Variants in UEVLD observed in about 807,000 individuals in gnomAD.
UEVLD encodes the protein UEV and lactate/malate dehyrogenase domains, also known as ubiquitin-conjugating enzyme E2 variant 3.
In UEVLD, 47 loss-of-function variants were observed where a neutral mutation model predicts 58.6. The observed-to-expected ratio is 0.80, with a 90% CI of 0.63 to 1.02. The LOEUF (loss-of-function observed/expected upper bound fraction) is 1.02, where lower values mean the gene tolerates loss of function less well. UEVLD is among the 50% of genes least tolerant of loss of function. The probability of loss-of-function intolerance (pLI) is 0.00; values close to 1 mark genes in which losing one functional copy is unlikely to be tolerated. For synonymous variants in UEVLD, 197 were observed against 195.3 expected (o/e 1.01, Z -0.07); for missense variants, 510 against 550.6 (o/e 0.93, Z 0.74).
intron 10 of UEVLD, 33 bp downstream of exon 10, chr11:18,536,373 G>T (rs779364040): frequency 1.3e-6 from 2 of 1,596,674 alleles, no homozygotes; most frequent in Admixed American, 1.7e-5. Flanking sequence ...ATGATTTTTC[G>T]TTGGATAAAT....
rs1208246600 is a variant in UEVLD at position 18,544,677 on chromosome 11, C to T, written c.1006G>A (p.Ala336Thr). Residue 336 changes from alanine to threonine, a missense_variant, in exon 9 of 12, where the codon GCA becomes ACA. Ala to Thr is a moderately conservative substitution (Grantham distance 58). Coordinates refer to ENST00000396197, the MANE Select transcript of UEVLD (RefSeq NM_001040697.4). ...LQYIITNVLK[A>T]QTSGKEVWVI... is the part of the protein sequence containing the mutation. ...CATACTTCTTTGCCTGAAGTCTGTGCCTTCAAAACATTTGTAATAATATAC... is the reference window on the plus strand; with the variant it reads ...CATACTTCTTTGCCTGAAGTCTGTGTCTTCAAAACATTTGTAATAATATAC... 6.3e-7 allele frequency: 1 copy of T among 1,592,022 alleles called. No individual in the cohort carries two copies. The highest frequency in any genetic ancestry group is 1.2e-5 in the South Asian group (1 of 86,838).
chr11:18,578,015 G>C (rs1307252350), intron 2 of UEVLD, among the ~76,000 whole-genome samples: 2 of 152,012 alleles, frequency 1.3e-5, no homozygotes, highest in Non-Finnish European at 2.9e-5. Context: ...GCCGAATAAA[G>C]GTCCTTTAAA....
At chr11:18,579,574 T>C (rs1176177742) in intron 1 of UEVLD, 3 of 861,392 alleles carry the variant, frequency 3.5e-6, no homozygotes, top group African/African-American at 3.7e-5. Flanking sequence ...GGGTTTCAAA[T>C]GGAAAACAAA....
chr11:18,556,763 C>T (rs1032827426), intron 7 of UEVLD, among the ~76,000 whole-genome samples: 4 of 151,808 alleles, frequency 2.6e-5, no homozygotes, highest in Admixed American at 1.3e-4. Flanking sequence ...TAATATGTTA[C>T]GTACATTATA....
rs1474444147 is a variant in UEVLD at position 18,588,659 on chromosome 11, A to C, written c.-5T>G. On this transcript the variant is annotated 5_prime_UTR_variant, in exon 1 of 12. Transcript: ENST00000396197. ...GCCCTCGCAGTCGAACTCCATCTCC[A>C]GGCCGGTCCCGAGCTAGGTCCCAGG... The C allele has an allele frequency of 3.7e-6, 6 of 1,608,840 alleles. No individual in the cohort carries two copies. The African/African-American group carries it at 6.7e-5, about 18-fold the overall frequency.
chr11:18,543,917 C>G (rs563248165), intron 9 of UEVLD, among the ~76,000 whole-genome samples: 1 of 152,156 alleles, frequency 6.6e-6, no homozygotes, highest in East Asian at 1.9e-4. Flanking sequence ...TAAAAAGAAG[C>G]AGACAGAAGG....
chr11:18,559,104 C>A (rs1458595418), intron 6 of UEVLD, among the ~76,000 whole-genome samples: 1 of 152,090 alleles, frequency 6.6e-6, no homozygotes, highest in Non-Finnish European at 1.5e-5. Context: ...AAACTCCTGA[C>A]CTCAGGTGAT....
In UEVLD at chr11:18,566,467, C is replaced by T. The variant is rs759370423; in HGVS notation, c.373G>A (p.Val125Ile). The change falls in exon 5 of 12, where the codon GTT (valine) becomes ATT (isoleucine). Residue 125 changes from valine to isoleucine, a missense_variant. Coordinates refer to ENST00000396197, the MANE Select transcript of UEVLD (RefSeq NM_001040697.4). ...GCAATCATTTCTTTAATTAATCCAACAATGACAGATTTAGGCTGTAGAATA... is the reference window on the plus strand; with the variant it reads ...GCAATCATTTCTTTAATTAATCCAATAATGACAGATTTAGGCTGTAGAATA... ...QNWSHPKSVI[V>I]GLIKEMIAKF... 6.2e-7 allele frequency: 1 copy of T among 1,613,894 alleles called. No homozygotes were observed. The highest frequency in any genetic ancestry group is 8.5e-7 in the Non-Finnish European group (1 of 1,180,006).
chr11:18,535,406 C>T (rs1176786405), intron 10 of UEVLD, among the ~76,000 whole-genome samples: 2 of 152,158 alleles, frequency 1.3e-5, no homozygotes, highest in Admixed American at 6.5e-5. Flanking sequence ...GATAAAAATA[C>T]ATAAACACTT....
intron 7 of UEVLD, among the ~76,000 whole-genome samples, chr11:18,552,799 T>A (rs1253865010): frequency 6.6e-6 from 1 of 151,250 alleles, no homozygotes; most frequent in Non-Finnish European, 1.5e-5. Flanking sequence ...AGGTGAAGTT[T>A]GCAGAGAGCC....
At chr11:18,547,676 G>T (rs1315927115) in intron 7 of UEVLD, among the ~76,000 whole-genome samples, 1 of 152,090 alleles carries the variant, frequency 6.6e-6, no homozygotes, top group Non-Finnish European at 1.5e-5. Flanking sequence ...TAGGCAAAAT[G>T]AACCTACCAT....
intron 5 of UEVLD, among the ~76,000 whole-genome samples, chr11:18,565,706 C>A (rs969321741): frequency 6.6e-6 from 1 of 151,792 alleles, no homozygotes; most frequent in African/African-American, 2.4e-5. Flanking sequence ...GTAGTCCCAG[C>A]AACATGGGAG....
intron 2 of UEVLD, among the ~76,000 whole-genome samples, chr11:18,577,647 A>G (rs1852986508): frequency 6.6e-6 from 1 of 152,204 alleles, no homozygotes; most frequent in African/African-American, 2.4e-5. Context: ...AGGTGGATGT[A>G]TCAATTGAGG....
At chr11:18,560,138 CAGAG>C (rs112126418) in intron 6 of UEVLD, among the ~76,000 whole-genome samples, 120 of 74,838 alleles carry the variant, frequency 1.6e-3, no homozygotes, top group Admixed American at 3.9e-3. Context: ...CACACACACA[CAGAG>C]AGAGAAAGAA....
At chr11:18,584,166 G>A (rs1055421051) in intron 1 of UEVLD, among the ~76,000 whole-genome samples, 10 of 152,086 alleles carry the variant, frequency 6.6e-5, no homozygotes, top group African/African-American at 2.4e-4. Flanking sequence ...ATCACTTGAG[G>A]CCAGTAGTTT....
chr11:18,555,864 G>A (rs1347927364), intron 7 of UEVLD, among the ~76,000 whole-genome samples: 2 of 152,030 alleles, frequency 1.3e-5, no homozygotes, highest in South Asian at 2.1e-4. Flanking sequence ...TGGGAGGATC[G>A]CTTGAACCCA....
intron 1 of UEVLD, among the ~76,000 whole-genome samples, chr11:18,583,657 CTT>C (rs35384688): frequency 9.4e-5 from 11 of 117,232 alleles, no homozygotes; most frequent in South Asian, 3.0e-4. Flanking sequence ...TCCAGTATTA[CTT>C]TTTTTTTTTT....
chr11:18,571,598 A>T (rs1852616030), intron 3 of UEVLD, among the ~76,000 whole-genome samples: 1 of 152,206 alleles, frequency 6.6e-6, no homozygotes, highest in Non-Finnish European at 1.5e-5. Flanking sequence ...GCTTTTAGTA[A>T]TTCAGCACTG....
intron 6 of UEVLD, among the ~76,000 whole-genome samples, chr11:18,560,268 T>A (rs1349546111): frequency 6.6e-6 from 1 of 152,008 alleles, no homozygotes; most frequent in African/African-American, 2.4e-5. Flanking sequence ...CATATAGTAA[T>A]CCCCTCTAAA....
Sources: allele counts gnomAD v4.1 joint callset (sites outside exome capture counted in the v4.1 genomes callset), GRCh38; gene constraint gnomAD v4.1.1; transcripts MANE v1.5; gene names NCBI Gene and HGNC (gene_info 2026-07-23, HGNC 2026-07-21).